BCL9: variants seen among roughly 807,000 people sequenced by gnomAD.
The protein encoded by BCL9 is B-cell CLL/lymphoma 9 protein.
A neutral mutation model predicts 88.5 loss-of-function variants in BCL9; 25 were observed. The observed-to-expected ratio is 0.28, with a 90% CI of 0.21 to 0.39. The LOEUF (loss-of-function observed/expected upper bound fraction) is 0.39, where lower values mean the gene tolerates loss of function less well. Among genes scored for constraint, BCL9 ranks in the 10% least tolerant of loss-of-function variants. The pLI, the probability that BCL9 is intolerant of heterozygous loss-of-function variation, is 1.00. For synonymous variants in BCL9, 711 were observed against 673.3 expected, an observed-to-expected ratio of 1.06 and a Z score of -0.87; for missense variants, 1,817 against 1,877.8, an observed-to-expected ratio of 0.97 and a Z score of 0.60.
chr1:147,619,572 C>T lies in BCL9; in HGVS notation c.1417C>T (p.Leu473=). ...DHMTPEQIAW[L]KLQQEFYEEK... The stretch of plus-strand genomic sequence containing the variant: ...TATGACTCCCGAGCAGATAGCGTGG[C>T]TGAAACTGCAGCAGGAGTTTTATGA... The change falls in exon 8 of 10, where the codon CTG becomes TTG. Residue 473 remains leucine, a synonymous_variant. Coordinates refer to ENST00000234739, the MANE Select transcript of BCL9 (RefSeq NM_004326.4). The surrounding 1 kb of genome is among the most constrained non-coding windows in gnomAD (Gnocchi z 4.1). 6.2e-7 allele frequency: 1 copy of T among 1,614,046 alleles called. No individual in the cohort carries two copies. Among genetic ancestry groups the T allele is most frequent in the Non-Finnish European group, 8.5e-7 (1 of 1,180,010 alleles).
rs1658544533 is a variant in BCL9 at position 147,620,227 on chromosome 1, G to A, written c.2072G>A (p.Gly691Asp). The change falls in exon 8 of 10, where the codon GGT (glycine) becomes GAT (aspartate). Residue 691 changes from glycine (G) to aspartate (D), a missense_variant. Gly to Asp is a moderately conservative substitution (Grantham distance 94). This residue lies in a region of BCL9 where 1,228 missense variants were observed against 1,191.6 expected (regional missense o/e 1.03). Transcript: ENST00000234739. Reference protein sequence around the residue: ...PVEGPLSPSRGDFPKGIPPQM... With the variant: ...PVEGPLSPSRDDFPKGIPPQM... ...GAGGGCCCTCTGAGTCCTTCTAGGGGTGACTTTCCAAAAGGAATTCCCCCA... is the reference window on the plus strand; with the variant it reads ...GAGGGCCCTCTGAGTCCTTCTAGGGATGACTTTCCAAAAGGAATTCCCCCA... The A allele has an allele frequency of 3.1e-6, 5 of 1,614,006 alleles. No individual in the cohort carries two copies. The highest frequency in any genetic ancestry group is 4.2e-6 in the Non-Finnish European group (5 of 1,180,012).
intron 1 of BCL9, among the ~76,000 whole-genome samples, chr1:147,553,237 C>T (rs1295094251): frequency 5.9e-5 from 9 of 152,164 alleles, no homozygotes; most frequent in African/African-American, 2.2e-4. Context: ...GGTCTTTACA[C>T]TGTAAGGTAG....
chr1:147,594,836 G>C (rs868942488), intron 1 of BCL9, among the ~76,000 whole-genome samples: 15 of 152,336 alleles, frequency 9.8e-5, no homozygotes, highest in Middle Eastern at 3.4e-3. Context: ...TAATTACAGA[G>C]GAGGAAACAC....
rs201458876 is a variant in BCL9 at position 147,618,707 on chromosome 1, CAGTT to C, written c.661-106_661-103del. The C allele has an allele frequency of 7.8e-4, 857 of 1,091,780 alleles. 11 individuals are homozygous for C. In the Admixed American group the frequency reaches 0.016, roughly 20 times the overall value. The allele number at this position is 1,091,780 out of a possible 1,614,324, so 67.6% of individuals were successfully genotyped here. A position where few individuals can be genotyped will look rare whatever the true frequency, so the allele number is the denominator to read the frequency against. On this transcript the variant is annotated intron_variant, in intron 7 of 9. Coordinates refer to ENST00000234739, the MANE Select transcript of BCL9 (RefSeq NM_004326.4). ...CGTGAGCAATTTCTACAGCCAGTGT[CAGTT>C]AGATTTATGTGCCTGGGGACAATTC...
rs945799540 is a variant in BCL9, at chr1:147,611,584, C to T, written c.-253C>T. The stretch of plus-strand genomic sequence containing the variant: ...GGGTGGCCTTTTCCTGTAGTATGCC[C>T]TGGAGATGCGAGATTTTCCTCTGGC... On this transcript the variant is annotated 5_prime_UTR_variant, in exon 4 of 10. Coordinates refer to ENST00000234739, the MANE Select transcript of BCL9 (RefSeq NM_004326.4). The T allele has an allele frequency of 5.5e-6, 3 of 540,614 alleles. No individual in the cohort carries two copies. In the African/African-American group the frequency reaches 5.7e-5, roughly 10 times the overall value. The allele number at this position is 540,614 out of a possible 1,614,324, so 33.5% of individuals were successfully genotyped here. A position where few individuals can be genotyped will look rare whatever the true frequency, so the allele number is the denominator to read the frequency against.
intron 5 of BCL9, among the ~76,000 whole-genome samples, 192 bp from the exon 6 acceptor site, chr1:147,614,234 TG>T (rs1309286740): frequency 1.9e-4 from 29 of 152,142 alleles, no homozygotes; most frequent in African/African-American, 6.5e-4. Flanking sequence ...GTAAGGAAGC[TG>T]GGGAAGACTG....
In BCL9 at chr1:147,620,745, A is replaced by C. The variant is rs1553205146; in HGVS notation, c.2590A>C (p.Lys864Gln). 6.2e-6 allele frequency: 10 copies of C among 1,614,068 alleles called. No individual in the cohort carries two copies. Among genetic ancestry groups the C allele is most frequent in the Non-Finnish European group, 8.5e-6 (10 of 1,180,008 alleles). The change falls in exon 8 of 10, where the codon AAG (lysine) becomes CAG (glutamine). Residue 864 changes from lysine to glutamine, a missense_variant. Lys to Gln is a moderately conservative substitution (Grantham distance 53). Around this residue, in one of 2 missense-constraint regions of BCL9, gnomAD observed 1,228 missense variants for 1,191.6 expected, o/e 1.03. Transcript: ENST00000234739. The part of the protein sequence containing the change: ...QVHSPGINPL[K>Q]SPTMHQVQSP... Reference sequence around the variant, plus strand: ...GCATTCCCCAGGCATTAACCCTCTGAAGTCTCCCACGATGCACCAAGTCCA... The same window carrying C: ...GCATTCCCCAGGCATTAACCCTCTGCAGTCTCCCACGATGCACCAAGTCCA...
At chr1:147,599,406 G>C (rs1469875598) in intron 1 of BCL9, among the ~76,000 whole-genome samples, 3 of 152,220 alleles carry the variant, frequency 2.0e-5, no homozygotes, top group Non-Finnish European at 4.4e-5. Flanking sequence ...GGAAGAGTGA[G>C]GGAAAGACCG....
At chr1:147,602,684 G>T (rs989494108) in intron 1 of BCL9, among the ~76,000 whole-genome samples, 3 of 152,026 alleles carry the variant, frequency 2.0e-5, no homozygotes, top group African/African-American at 7.3e-5. Flanking sequence ...TAGACAGGGA[G>T]GTCATTGGCT....
At chr1:147,575,365 C>T (rs1169367708) in intron 1 of BCL9, among the ~76,000 whole-genome samples, 2 of 152,152 alleles carry the variant, frequency 1.3e-5, no homozygotes, top group African/African-American at 2.4e-5. Flanking sequence ...CCTTTCCCAC[C>T]AAACCATAAG....
At chr1:147,588,396 A>G (rs1461634584) in intron 1 of BCL9, among the ~76,000 whole-genome samples, 4 of 150,304 alleles carry the variant, frequency 2.7e-5, no homozygotes, top group African/African-American at 9.8e-5. Flanking sequence ...TCAGATTCTT[A>G]TTTTTTACCC....
chr1:147,567,723 T>A (rs1211061314), intron 1 of BCL9, among the ~76,000 whole-genome samples: 2 of 152,160 alleles, frequency 1.3e-5, no homozygotes, highest in East Asian at 3.9e-4. Flanking sequence ...AAGCAAGTAG[T>A]GTTCCTGCAC....
intron 1 of BCL9, among the ~76,000 whole-genome samples, chr1:147,585,367 G>A (rs1656554389): frequency 1.3e-5 from 2 of 152,144 alleles, no homozygotes; most frequent in South Asian, 2.1e-4. Context: ...GCCAAGAGAC[G>A]GACCTCAGGG....
chr1:147,568,455 A>C (rs1655712220), intron 1 of BCL9, among the ~76,000 whole-genome samples: 2 of 141,302 alleles, frequency 1.4e-5, no homozygotes, highest in Admixed American at 1.5e-4. Flanking sequence ...TTCAAATACA[A>C]AGGTTGTTGA....
At chr1:147,545,942 A>G (rs1553194214) in intron 1 of BCL9, among the ~76,000 whole-genome samples, 1 of 152,180 alleles carries the variant, frequency 6.6e-6, no homozygotes, top group African/African-American at 2.4e-5. Flanking sequence ...TAGCTAATTA[A>G]ATCTCCTTGT....
In BCL9 at chr1:147,568,482, G is replaced by GAAA. The variant is rs201771944; in HGVS notation, c.-478+26816_-478+26818dup. Among the ~76,000 whole-genome samples, 602 of 148,594 alleles carry GAAA rather than the reference G, an allele frequency of 4.1e-3. 8 individuals are homozygous for GAAA. The highest frequency in any genetic ancestry group is 0.012 in the African/African-American group (506 of 40,744). On this transcript the variant is annotated intron_variant, in intron 1 of 9. Transcript: ENST00000234739. ...GGTTGTTGAAAGAAAAAGCAAAAAA[G>GAAA]AAAAAAAAAACAAGTTTCTTAGTCA...
At position 147,620,998 on chromosome 1, in the gene BCL9, C is replaced by T. The variant is rs1553205289; in HGVS notation, c.2843C>T (p.Pro948Leu). 6.2e-6 allele frequency: 10 copies of T among 1,614,144 alleles called. No individual in the cohort carries two copies. Among genetic ancestry groups the T allele is most frequent in the Non-Finnish European group, 8.5e-6 (10 of 1,180,020 alleles). ...KPPLQSPGIP[P>L]NHKAPLTMAS... ...CCCCTTCAGAGTCCTGGGATCCCTC[C>T]AAACCATAAAGCACCCCTCACCATG... The change falls in exon 8 of 10, where the codon CCA becomes CTA. Residue 948 changes from proline (P) to leucine (L), a missense_variant. By Grantham distance (98) the Pro-to-Leu change is moderately conservative (BLOSUM62 -3). This residue lies in a region of BCL9 where 589 missense variants were observed against 686.2 expected (regional missense o/e 0.86). Transcript: ENST00000234739.
In BCL9 at chr1:147,625,478, C is replaced by A; in HGVS notation, c.*519C>A. The A allele has an allele frequency of 4.5e-6, 1 of 222,932 alleles. No homozygotes were observed. The allele number at this position is 222,932 out of a possible 1,614,324, so 13.8% of individuals were successfully genotyped here. On this transcript the variant is annotated 3_prime_UTR_variant, in exon 10 of 10. Coordinates refer to ENST00000234739, the MANE Select transcript of BCL9 (RefSeq NM_004326.4). Reference sequence around the variant, plus strand: ...TTAGGTGGAGAATCCATCTTCAGACCTTTGGACTATTTTCTTTCAACTGCA... The same window carrying A: ...TTAGGTGGAGAATCCATCTTCAGACATTTGGACTATTTTCTTTCAACTGCA...
In BCL9 at chr1:147,619,665, C is replaced by G. The variant is rs1658500668; in HGVS notation, c.1510C>G (p.Gln504Glu). Reference sequence around the variant, plus strand: ...TTCCCTCCAGGACATGATGGTCCATCAGCACGGGCCTCGGGGAGTGGTCCG... The same window carrying G: ...TTCCCTCCAGGACATGATGGTCCATGAGCACGGGCCTCGGGGAGTGGTCCG... ...QCSLQDMMVH[Q>E]HGPRGVVRGP... is the part of the protein sequence containing the mutation. The change falls in exon 8 of 10, where the codon CAG (glutamine) becomes GAG (glutamate). Residue 504 changes from glutamine to glutamate, a missense_variant. Physicochemically the swap from Gln to Glu is conservative, Grantham distance 29. Transcript: ENST00000234739. This position sits in a 1 kb window ranked among gnomAD's most constrained non-coding sequence, Gnocchi z 4.1. 6.2e-7 allele frequency: 1 copy of G among 1,614,012 alleles called. No homozygotes were observed. Among genetic ancestry groups the G allele is most frequent in the Non-Finnish European group, 8.5e-7 (1 of 1,180,030 alleles).
Sources: allele counts gnomAD v4.1 joint callset (sites outside exome capture counted in the v4.1 genomes callset), GRCh38; gene constraint gnomAD v4.1.1; regional missense constraint gnomAD v4.1.1; non-coding constraint Gnocchi (gnomAD v3.1); transcripts MANE v1.5; gene names NCBI Gene and HGNC (gene_info 2026-07-23, HGNC 2026-07-21).